The following ZBTB20 variants were observed in gnomAD, a reference collection of about 807,000 sequenced individuals.
The protein encoded by ZBTB20 is zinc finger and BTB domain-containing protein 20.
A neutral mutation model predicts 56.9 loss-of-function variants in ZBTB20; 9 were observed. The observed-to-expected ratio is 0.16, with a 90% CI of 0.10 to 0.28. ZBTB20 has a LOEUF of 0.28. Ranked by LOEUF, ZBTB20 falls within the 10% of genes least tolerant of loss-of-function variation. ZBTB20 has a pLI of 1.00. For missense variants in ZBTB20, 655 were observed against 1,003.0 expected, an observed-to-expected ratio of 0.65 and a Z score of 4.69; for synonymous variants, 417 against 420.7, an observed-to-expected ratio of 0.99 and a Z score of 0.11.
At chr3:115,092,901 T>C (rs1314786388) in intron 1 of ZBTB20, among the ~76,000 whole-genome samples, 2 of 152,288 alleles carry the variant, frequency 1.3e-5, no homozygotes, top group African/African-American at 4.8e-5. Context: ...CACATAAATG[T>C]CCGTTATTCT....
At chr3:114,889,615 C>G (rs989412441) in intron 4 of ZBTB20, among the ~76,000 whole-genome samples, 5 of 151,922 alleles carry the variant, frequency 3.3e-5, no homozygotes, top group African/African-American at 1.2e-4. Context: ...CATAAAAAGG[C>G]ACTGTTTGGG....
intron 6 of ZBTB20, among the ~76,000 whole-genome samples, chr3:114,678,345 C>A (rs1214510707): frequency 6.6e-6 from 1 of 152,122 alleles, no homozygotes; most frequent in Non-Finnish European, 1.5e-5. Flanking sequence ...AAAATGCACA[C>A]ATAAAATGCA....
intron 11 of ZBTB20, among the ~76,000 whole-genome samples, chr3:114,347,834 T>C (rs773495508): frequency 6.6e-5 from 10 of 152,250 alleles, no homozygotes; most frequent in Non-Finnish European, 1.0e-4. Flanking sequence ...GATGGGGCTA[T>C]ATTATACACA....
At chr3:115,041,906 T>C (rs983685816) in intron 2 of ZBTB20, among the ~76,000 whole-genome samples, 2 of 152,196 alleles carry the variant, frequency 1.3e-5, no homozygotes, top group Non-Finnish European at 1.5e-5. Context: ...AAAGCGGCTA[T>C]AATGAGCCTG....
At chr3:114,386,177 G>A (rs544157600) in intron 8 of ZBTB20, among the ~76,000 whole-genome samples, 3 of 152,240 alleles carry the variant, frequency 2.0e-5, no homozygotes, top group African/African-American at 4.8e-5. Context: ...CTGGCTTATC[G>A]TGTTTTCTTG....
At chr3:115,052,272 C>T (rs1262221684) in intron 2 of ZBTB20, among the ~76,000 whole-genome samples, 2 of 152,104 alleles carry the variant, frequency 1.3e-5, no homozygotes, top group African/African-American at 4.8e-5. Flanking sequence ...TCCTGGACAA[C>T]ATGGTGAAAC....
At chr3:114,675,581 G>C (rs2061583495) in intron 6 of ZBTB20, among the ~76,000 whole-genome samples, 1 of 152,016 alleles carries the variant, frequency 6.6e-6, no homozygotes, top group Non-Finnish European at 1.5e-5. Context: ...AAAAATCAAT[G>C]GGTGGGCATA....
intron 6 of ZBTB20, among the ~76,000 whole-genome samples, chr3:114,605,463 G>A (rs2057072360): frequency 6.6e-6 from 1 of 152,176 alleles, no homozygotes; most frequent in Admixed American, 6.5e-5. Context: ...CATGGAGGTA[G>A]GTAAGTAGGG....
intron 5 of ZBTB20, among the ~76,000 whole-genome samples, chr3:114,701,772 C>A (rs894315287): frequency 2.0e-5 from 3 of 151,982 alleles, no homozygotes; most frequent in African/African-American, 7.3e-5. Flanking sequence ...AGTCTCCATG[C>A]CAATGATGAG....
intron 3 of ZBTB20, among the ~76,000 whole-genome samples, chr3:114,963,067 T>A (rs566750191): frequency 3.7e-4 from 56 of 151,892 alleles, no homozygotes; most frequent in African/African-American, 1.3e-3. Context: ...TTTAGACTTT[T>A]CATTCCTTTT....
chr3:114,912,109 A>G (rs1417464880), intron 3 of ZBTB20, among the ~76,000 whole-genome samples: 3 of 137,270 alleles, frequency 2.2e-5, no homozygotes, highest in Non-Finnish European at 4.7e-5. Context: ...GGAATGGAAT[A>G]ATAGATTCAA....
chr3:114,831,680 A>G (rs1371414693), intron 4 of ZBTB20, among the ~76,000 whole-genome samples: 1 of 152,032 alleles, frequency 6.6e-6, no homozygotes, highest in Non-Finnish European at 1.5e-5. Context: ...AATATGACCT[A>G]TATCATTGTA....
chr3:114,564,623 C>T (rs1245962236), intron 6 of ZBTB20, among the ~76,000 whole-genome samples: 1 of 152,074 alleles, frequency 6.6e-6, no homozygotes, highest in Non-Finnish European at 1.5e-5. Flanking sequence ...TTAGTCAATC[C>T]CATTTATATT....
At chr3:114,764,727 T>A (rs1232192428) in intron 5 of ZBTB20, among the ~76,000 whole-genome samples, 1 of 152,174 alleles carries the variant, frequency 6.6e-6, no homozygotes, top group Non-Finnish European at 1.5e-5. Context: ...TGAGATATAT[T>A]TCTTTAGTTT....
intron 2 of ZBTB20, among the ~76,000 whole-genome samples, chr3:114,999,902 A>G (rs1178920290): frequency 6.6e-6 from 1 of 151,752 alleles, no homozygotes; most frequent in Admixed American, 6.6e-5. Context: ...AAGCTATTGC[A>G]TAATTTAAAT....
intron 6 of ZBTB20, among the ~76,000 whole-genome samples, chr3:114,620,250 ACT>A (rs1303328414): frequency 6.6e-6 from 1 of 151,236 alleles, no homozygotes; most frequent in African/African-American, 2.4e-5. Context: ...GATATAGAAG[ACT>A]CTGCCAATTT....
At chr3:114,874,409 T>G (rs1048046608) in intron 4 of ZBTB20, among the ~76,000 whole-genome samples, 8 of 152,186 alleles carry the variant, frequency 5.3e-5, no homozygotes, top group Admixed American at 1.3e-4. Context: ...ATGATTGTTC[T>G]GTAAAAACAT....
At chr3:114,638,953 T>C (rs2059417304) in intron 6 of ZBTB20, among the ~76,000 whole-genome samples, 1 of 152,072 alleles carries the variant, frequency 6.6e-6, no homozygotes, top group Admixed American at 6.6e-5. Flanking sequence ...GAAACCTAAG[T>C]GAGGAACCAG....
intron 5 of ZBTB20, among the ~76,000 whole-genome samples, chr3:114,731,101 G>C (rs1409480032): frequency 1.3e-5 from 2 of 152,092 alleles, no homozygotes; most frequent in Non-Finnish European, 2.9e-5. Flanking sequence ...CTATTTGTTG[G>C]AGTAACAGAA....
Sources: allele counts gnomAD v4.1 joint callset (sites outside exome capture counted in the v4.1 genomes callset), GRCh38; gene constraint gnomAD v4.1.1; transcripts MANE v1.5; gene names NCBI Gene and HGNC (gene_info 2026-07-23, HGNC 2026-07-21).